The following CAMK1D variants were observed in gnomAD, a reference collection of about 807,000 sequenced individuals.
The protein encoded by CAMK1D is calcium/calmodulin dependent protein kinase ID, also known as calcium/calmodulin-dependent protein kinase type 1D.
In CAMK1D, 9 loss-of-function variants were observed where a neutral mutation model predicts 47.7. The observed-to-expected ratio is 0.19, with a 90% CI of 0.11 to 0.33. The LOEUF (loss-of-function observed/expected upper bound fraction) is 0.33. Among genes scored for constraint, CAMK1D ranks in the 10% least tolerant of loss-of-function variants. CAMK1D has a pLI of 1.00. For missense variants in CAMK1D, 291 were observed against 488.7 expected, an observed-to-expected ratio of 0.60 and a Z score of 3.81; for synonymous variants, 184 against 184.9, an observed-to-expected ratio of 0.99 and a Z score of 0.04.
At chr10:12,716,318 A>G (rs1314422187) in intron 3 of CAMK1D, among the ~76,000 whole-genome samples, 2 of 152,136 alleles carry the variant, frequency 1.3e-5, no homozygotes, top group African/African-American at 4.8e-5. Flanking sequence ...TGCCAGTAGC[A>G]TCCCCGGTCT....
chr10:12,511,811 C>G (rs1341941972), intron 1 of CAMK1D, among the ~76,000 whole-genome samples: 2 of 152,246 alleles, frequency 1.3e-5, no homozygotes, highest in African/African-American at 4.8e-5. Flanking sequence ...ACGAGACTTT[C>G]TTTCCACTAC....
intron 1 of CAMK1D, among the ~76,000 whole-genome samples, chr10:12,486,733 G>T (rs1193169050): frequency 2.0e-5 from 3 of 152,216 alleles, no homozygotes; most frequent in Non-Finnish European, 2.9e-5. Context: ...TTGTGTTACA[G>T]GCAGTGAGCC....
intron 5 of CAMK1D, among the ~76,000 whole-genome samples, chr10:12,778,325 T>C (rs1837355682): frequency 6.6e-6 from 1 of 152,226 alleles, no homozygotes; most frequent in Admixed American, 6.5e-5. Context: ...GCAAGAGGAC[T>C]ATAAGCACTT....
chr10:12,681,434 C>A (rs940267536), intron 3 of CAMK1D, among the ~76,000 whole-genome samples: 46 of 152,266 alleles, frequency 3.0e-4, no homozygotes, highest in African/African-American at 1.1e-3. Flanking sequence ...CACCTGACCG[C>A]AGCGCAGCTG....
chr10:12,706,409 A>C (rs539008171), intron 3 of CAMK1D, among the ~76,000 whole-genome samples: 45 of 152,270 alleles, frequency 3.0e-4, no homozygotes, highest in African/African-American at 1.0e-3. Flanking sequence ...AGCAGTGTAG[A>C]TGGAGATAGA....
chr10:12,666,669 T>C (rs1382795920), intron 2 of CAMK1D, 67 bp from the exon 3 acceptor site: 3 of 1,253,274 alleles, frequency 2.4e-6, no homozygotes, highest in South Asian at 2.5e-5. Context: ...GCTACAATGC[T>C]GTCTGTTTTG....
chr10:12,380,683 C>T (rs890378122), intron 1 of CAMK1D, among the ~76,000 whole-genome samples: 19 of 152,254 alleles, frequency 1.2e-4, no homozygotes, highest in South Asian at 2.1e-4. Context: ...GGTGAAACCC[C>T]ATCTCTACTA....
At chr10:12,373,460 C>G (rs1023587909) in intron 1 of CAMK1D, among the ~76,000 whole-genome samples, 31 of 151,864 alleles carry the variant, frequency 2.0e-4, no homozygotes, top group African/African-American at 7.3e-4. Flanking sequence ...GGTGAAACCC[C>G]GTCTCTACTA....
intron 1 of CAMK1D, among the ~76,000 whole-genome samples, chr10:12,382,905 C>T (rs2724783): frequency 0.01 from 1,571 of 151,870 alleles, 26 homozygotes; most frequent in African/African-American, 0.036. Context: ...TTAAATGTGT[C>T]GTTTAATCTG....
intron 3 of CAMK1D, among the ~76,000 whole-genome samples, chr10:12,688,344 G>T (rs182212833): frequency 1.3e-5 from 2 of 152,284 alleles, no homozygotes; most frequent in Non-Finnish European, 2.9e-5. Flanking sequence ...ACATAGTTCT[G>T]CTTTCATCCC....
chr10:12,535,678 G>C (rs1220105219), intron 1 of CAMK1D, among the ~76,000 whole-genome samples: 1 of 152,154 alleles, frequency 6.6e-6, no homozygotes, highest in East Asian at 1.9e-4. Flanking sequence ...ACTCAAATGT[G>C]GCTACTTCAT....
rs1424837345 is a variant in CAMK1D at position 12,554,102 on chromosome 10, T to TC, written c.224+746_224+747insC. On this transcript the variant is annotated intron_variant, in intron 2 of 10. Coordinates refer to ENST00000619168, the MANE Select transcript of CAMK1D (RefSeq NM_153498.4). ...AGAAATAAAATAGATTTTTCTTTCT[T>TC]TTTTTTATTTCCTTTCTTTCCCTCC... Among the ~76,000 whole-genome samples the TC allele has an allele frequency of 3.3e-5, 5 of 151,916 alleles. No individual in the cohort carries two copies. In the East Asian group the frequency reaches 9.7e-4, roughly 29 times the overall value.
intron 3 of CAMK1D, among the ~76,000 whole-genome samples, chr10:12,751,135 A>G (rs1420766490): frequency 6.6e-6 from 1 of 151,918 alleles, no homozygotes; most frequent in African/African-American, 2.4e-5. Context: ...AGAAGGCTTC[A>G]GAAGGCTTCT....
chr10:12,763,326 C>T (rs747835778), intron 4 of CAMK1D, among the ~76,000 whole-genome samples: 12 of 152,184 alleles, frequency 7.9e-5, no homozygotes, highest in Non-Finnish European at 1.5e-4. Context: ...AGAGGATGAT[C>T]GTGTTAATTT....
At chr10:12,388,973 G>C (rs149194346) in intron 1 of CAMK1D, among the ~76,000 whole-genome samples, 108 of 152,306 alleles carry the variant, frequency 7.1e-4, no homozygotes, top group African/African-American at 2.2e-3. Flanking sequence ...GCACATTGTC[G>C]TGTCGTCTGT....
intron 4 of CAMK1D, among the ~76,000 whole-genome samples, chr10:12,767,373 C>T (rs1432140923): frequency 6.6e-6 from 1 of 152,076 alleles, no homozygotes; most frequent in Non-Finnish European, 1.5e-5. Context: ...GACGGGGTTT[C>T]TCCATGTTGG....
At chr10:12,667,725 T>C (rs7091959) in intron 3 of CAMK1D, among the ~76,000 whole-genome samples, 44,815 of 152,152 alleles carry the variant, frequency 0.29, 7,142 homozygotes, top group South Asian at 0.42. Flanking sequence ...CTTTGGATTG[T>C]TGAGGGTATG....
intron 1 of CAMK1D, among the ~76,000 whole-genome samples, chr10:12,542,119 T>C (rs1588614268): frequency 6.6e-6 from 1 of 152,134 alleles, no homozygotes; most frequent in Non-Finnish European, 1.5e-5. Flanking sequence ...TCTTAAGTGA[T>C]CCTCCTGCCT....
chr10:12,796,348 C>CT (rs1226165906), intron 6 of CAMK1D, among the ~76,000 whole-genome samples: 1 of 152,158 alleles, frequency 6.6e-6, no homozygotes. Flanking sequence ...TGGTACTCCA[C>CT]TTTCTTTAGT....
Sources: allele counts gnomAD v4.1 joint callset (sites outside exome capture counted in the v4.1 genomes callset), GRCh38; gene constraint gnomAD v4.1.1; transcripts MANE v1.5; gene names NCBI Gene and HGNC (gene_info 2026-07-23, HGNC 2026-07-21).